NOMO2: variants seen among roughly 807,000 people sequenced by gnomAD.
NOMO2 encodes NODAL modulator 2, also known as BOS complex subunit NOMO2.
Under a neutral mutation model 67.1 loss-of-function variants are expected in NOMO2, and 14 were observed. The ratio of observed to expected loss-of-function variants is 0.21; its 90% CI spans 0.14 to 0.33. The LOEUF (loss-of-function observed/expected upper bound fraction) is 0.33. Ranked by LOEUF, NOMO2 falls within the 10% of genes least tolerant of loss-of-function variation. NOMO2 has a pLI of 1.00. For synonymous variants in NOMO2, 80 were observed against 305.9 expected, an observed-to-expected ratio of 0.26 and a Z score of 7.71; for missense variants, 178 against 761.0, an observed-to-expected ratio of 0.23 and a Z score of 9.01.
At chr16:18,561,192 A>AAAAAC (rs1902037671) in intron 1 of NOMO2, among the ~76,000 whole-genome samples, 2 of 143,508 alleles carry the variant, frequency 1.4e-5, no homozygotes, top group African/African-American at 5.1e-5. Context: ...AAAAAAAAAA[A>AAAAAC]AAAAAAAAAA....
In NOMO2 at chr16:18,537,026, C is replaced by T. The variant is rs1901439731; in HGVS notation, c.1220+1500G>A. 2.0e-5 allele frequency among the ~76,000 whole-genome samples: 3 copies of T among 151,960 alleles called. No homozygotes were observed. The South Asian group carries it at 6.2e-4, about 32-fold the overall frequency. ...TTCTTAGCTCCTATGACCTCACGCTCCCTAGGTCCCCCCTGGGCCACCTGG... is the reference window on the plus strand; with the variant it reads ...TTCTTAGCTCCTATGACCTCACGCTTCCTAGGTCCCCCCTGGGCCACCTGG... On this transcript the variant is annotated intron_variant, in intron 11 of 30. Transcript: ENST00000622306.
At chr16:18,537,189 A>G (rs1596850856) in intron 11 of NOMO2, among the ~76,000 whole-genome samples, 1 of 152,092 alleles carries the variant, frequency 6.6e-6, no homozygotes, top group East Asian at 1.9e-4. Context: ...TAGTGGTCCT[A>G]CAGACCAATG....
chr16:18,561,401 G>A (rs934065010), intron 1 of NOMO2, among the ~76,000 whole-genome samples: 1 of 149,744 alleles, frequency 6.7e-6, no homozygotes, highest in Admixed American at 6.7e-5. Context: ...ATCATGCCGC[G>A]GGGTTTGGAG....
intron 3 of NOMO2, among the ~76,000 whole-genome samples, chr16:18,551,831 T>C (rs1251019107): frequency 6.6e-6 from 1 of 151,814 alleles, no homozygotes; most frequent in East Asian, 1.9e-4. Context: ...TATCTCAGAG[T>C]TCCAGGGAAA....
In NOMO2 at chr16:18,557,918, C is replaced by T. The variant is rs1416220243; in HGVS notation, c.166-127G>A. 38 of 1,539,806 alleles carry T rather than the reference C, an allele frequency of 2.5e-5. 1 individual carries two copies. Among genetic ancestry groups the T allele is most frequent in the African/African-American group, 1.9e-4 (14 of 73,524 alleles). ...ACCTACTATATACCAGCTTTTAACA[C>T]GGGGCATTACTGGGGACAGAGGGAA... On this transcript the variant is annotated intron_variant, in intron 1 of 30. Transcript: ENST00000622306.
intron 3 of NOMO2, among the ~76,000 whole-genome samples, chr16:18,552,993 G>A (rs1901823584): frequency 6.6e-6 from 1 of 151,978 alleles, no homozygotes; most frequent in Admixed American, 6.6e-5. Flanking sequence ...ATAAATATAG[G>A]CCAGGCGTGG....
intron 1 of NOMO2, among the ~76,000 whole-genome samples, chr16:18,559,927 T>C (rs976483137): frequency 1.3e-5 from 2 of 151,768 alleles, no homozygotes; most frequent in African/African-American, 4.8e-5. Flanking sequence ...CATGAGAGTA[T>C]GGAGTTTTGT....
At chr16:18,528,245 AGGGGTT>A (rs1901192640) in intron 15 of NOMO2, among the ~76,000 whole-genome samples, 1 of 148,762 alleles carries the variant, frequency 6.7e-6, no homozygotes, top group African/African-American at 2.5e-5. Context: ...GAGATAAAGA[AGGGGTT>A]AAGGAAGTGT....
chr16:18,520,486 G>A (rs1391948362), intron 20 of NOMO2, 111 bp downstream of exon 20: 321 of 657,412 alleles, frequency 4.9e-4, no homozygotes, highest in Admixed American at 4.6e-4. Flanking sequence ...GAGGATGTAA[G>A]GTGGCTTACA....
At chr16:18,556,624 G>A (rs1476086435) in intron 2 of NOMO2, among the ~76,000 whole-genome samples, 1 of 151,906 alleles carries the variant, frequency 6.6e-6, no homozygotes, top group East Asian at 1.9e-4. Flanking sequence ...AAAACTATGT[G>A]TATTGACTAT....
intron 3 of NOMO2, among the ~76,000 whole-genome samples, chr16:18,553,920 T>C (rs1282694912): frequency 8.4e-4 from 119 of 141,638 alleles, no homozygotes; most frequent in African/African-American, 3.0e-3. Flanking sequence ...TGCTAAATTC[T>C]TCCTTGTCTA....
intron 3 of NOMO2, among the ~76,000 whole-genome samples, chr16:18,553,023 CCA>C: frequency 6.6e-6 from 1 of 151,970 alleles, no homozygotes; most frequent in East Asian, 1.9e-4. Flanking sequence ...CCTATAATCC[CCA>C]CACTTTGGGA....
chr16:18,556,308 G>A (rs1330454754), intron 2 of NOMO2, among the ~76,000 whole-genome samples: 1 of 151,892 alleles, frequency 6.6e-6, no homozygotes, highest in African/African-American at 2.4e-5. Context: ...AAAAAAGTTA[G>A]CTGGGCATGG....
Position 18,561,866 on chromosome 16 carries a change from G to A in NOMO2, c.165+10C>T. The A allele has an allele frequency of 6.5e-7, 1 of 1,549,230 alleles. No individual in the cohort carries two copies. Among genetic ancestry groups the A allele is most frequent in the Non-Finnish European group, 8.7e-7 (1 of 1,148,078 alleles). On this transcript the variant is annotated intron_variant, in intron 1 of 30. Transcript: ENST00000622306. ...GCGACTCGGCGCCGGGCGGCGGGGC[G>A]GGCGCTCACCTCGATGAGCGAGTAG...
Position 18,531,513 on chromosome 16 carries a change from G to A in NOMO2, c.1490C>T (p.Ala497Val). Residue 497 changes from alanine (A) to valine (V), a missense_variant, in exon 13 of 31, where the codon GCC becomes GTC. Transcript: ENST00000622306. Reference sequence around the variant, plus strand: ...AACTGATGCCAAGAACTGTACAAAGGCCACATCCATCACGGGCCTGTCGGT... The same window carrying A: ...AACTGATGCCAAGAACTGTACAAAGACCACATCCATCACGGGCCTGTCGGT... Reference protein sequence around the residue: ...TVTDRPVMDVAFVQFLASVSG... With the variant: ...TVTDRPVMDVVFVQFLASVSG... 1 of 1,606,638 alleles carries A rather than the reference G, an allele frequency of 6.2e-7. No homozygotes were observed.
intron 4 of NOMO2, among the ~76,000 whole-genome samples, chr16:18,550,815 G>A (rs2141751108): frequency 6.6e-6 from 1 of 152,186 alleles, no homozygotes; most frequent in Non-Finnish European, 1.5e-5. Flanking sequence ...AAGGCTTAGA[G>A]AGTGCGTCCT....
At chr16:18,534,293 A>G (rs2141725531) in intron 11 of NOMO2, among the ~76,000 whole-genome samples, 1 of 151,974 alleles carries the variant, frequency 6.6e-6, no homozygotes, top group Non-Finnish European at 1.5e-5. Context: ...TTTGTGTATG[A>G]ACTGCAAGCC....
chr16:18,526,724 T>G (rs1166848068), intron 16 of NOMO2, among the ~76,000 whole-genome samples: 1 of 151,854 alleles, frequency 6.6e-6, no homozygotes, highest in Non-Finnish European at 1.5e-5. Flanking sequence ...AATAGATCAG[T>G]GGCTGGCCAT....
intron 11 of NOMO2, among the ~76,000 whole-genome samples, chr16:18,535,668 A>C (rs1901402403): frequency 6.6e-6 from 1 of 151,536 alleles, no homozygotes; most frequent in African/African-American, 2.4e-5. Context: ...CCAGACAACC[A>C]CCACTGCCTC....
Sources: allele counts gnomAD v4.1 joint callset (sites outside exome capture counted in the v4.1 genomes callset), GRCh38; gene constraint gnomAD v4.1.1; transcripts MANE v1.5; gene names NCBI Gene and HGNC (gene_info 2026-07-23, HGNC 2026-07-21).